FOXP2: variants seen among roughly 807,000 people sequenced by gnomAD.
FOXP2 encodes the protein forkhead box protein P2.
In FOXP2, 12 loss-of-function variants were observed where a neutral mutation model predicts 115.8. The ratio of observed to expected loss-of-function variants is 0.10; its 90% CI spans 0.07 to 0.17. The LOEUF (loss-of-function observed/expected upper bound fraction) is 0.17. Among genes scored for constraint, FOXP2 ranks in the 10% least tolerant of loss-of-function variants. The pLI is 1.00. For synonymous variants in FOXP2, 328 were observed against 297.7 expected, an observed-to-expected ratio of 1.10 and a Z score of -1.05; for missense variants, 629 against 843.5, an observed-to-expected ratio of 0.75 and a Z score of 3.15.
intron 16 of FOXP2, among the ~76,000 whole-genome samples, chr7:114,676,683 G>C (rs1289408647): frequency 6.6e-6 from 1 of 152,136 alleles, no homozygotes; most frequent in Non-Finnish European, 1.5e-5. Context: ...TTTGTAAAAA[G>C]TTGGTTATTA....
At chr7:114,119,587 T>C (rs1791504156) in intron 1 of FOXP2, among the ~76,000 whole-genome samples, 1 of 152,020 alleles carries the variant, frequency 6.6e-6, no homozygotes, top group Non-Finnish European at 1.5e-5. Context: ...AGTATGTACC[T>C]GTGGTTCCAA....
At chr7:114,434,931 T>G (rs905112697) in intron 2 of FOXP2, among the ~76,000 whole-genome samples, 2 of 152,132 alleles carry the variant, frequency 1.3e-5, no homozygotes, top group Non-Finnish European at 2.9e-5. Flanking sequence ...CTCTTAAAAT[T>G]TCACATGGCT....
In FOXP2 at chr7:114,375,643, A is replaced by G. The variant is rs896369435; in HGVS notation, c.-10-50859A>G. 7.9e-5 allele frequency among the ~76,000 whole-genome samples: 12 copies of G among 152,304 alleles called. No homozygotes were observed. The East Asian group carries it at 2.1e-3, about 27-fold the overall frequency. On this transcript the variant is annotated intron_variant, in intron 2 of 17. Transcript: ENST00000634411. ...TTCACTTTACATCATATTAACTTAG[A>G]TAAGAGATCCTAAGTCTTATGTCTA... is the stretch of plus-strand genomic sequence containing the variant.
intron 1 of FOXP2, among the ~76,000 whole-genome samples, chr7:114,204,403 A>G (rs1280587514): frequency 6.6e-6 from 1 of 152,282 alleles, no homozygotes; most frequent in Non-Finnish European, 1.5e-5. Context: ...AGTGGCTACT[A>G]TATTGGACAG....
At chr7:114,173,610 T>G (rs1793207229) in intron 1 of FOXP2, among the ~76,000 whole-genome samples, 1 of 151,966 alleles carries the variant, frequency 6.6e-6, no homozygotes, top group South Asian at 2.1e-4. Context: ...CATTTATTTT[T>G]TTTTTTGTTT....
At position 114,490,752 on chromosome 7, in the gene FOXP2, G is replaced by A. The variant is rs1010771819; in HGVS notation, c.169-43865G>A. On this transcript the variant is annotated intron_variant, in intron 2 of 16. Coordinates refer to ENST00000350908, the MANE Select transcript of FOXP2 (RefSeq NM_014491.4). ...TTCCCACCTATGAGTGAGAATATGC[G>A]GTGTTTGGTTTTTTGTCCTTGTGAT... Among the ~76,000 whole-genome samples the A allele has an allele frequency of 2.1e-4, 32 of 152,106 alleles. 1 individual carries two copies. The highest frequency in any genetic ancestry group is 3.9e-4 in the Admixed American group (6 of 15,260).
intron 1 of FOXP2, among the ~76,000 whole-genome samples, chr7:114,121,551 A>G (rs1791566958): frequency 6.6e-6 from 1 of 152,174 alleles, no homozygotes; most frequent in African/African-American, 2.4e-5. Context: ...ATGTAAACTC[A>G]CAAAAACATG....
At chr7:114,174,220 C>A (rs1793226714) in intron 1 of FOXP2, among the ~76,000 whole-genome samples, 1 of 151,918 alleles carries the variant, frequency 6.6e-6, no homozygotes, top group Admixed American at 6.6e-5. Context: ...ACTTATGTGT[C>A]TGTTGTCTTC....
At chr7:114,289,463 C>T (rs1429300490) in intron 2 of FOXP2, among the ~76,000 whole-genome samples, 1 of 151,696 alleles carries the variant, frequency 6.6e-6, no homozygotes, top group African/African-American at 2.4e-5. Flanking sequence ...GTATGTTTGC[C>T]ATAGATAATG....
chr7:114,289,165 T>G lies in FOXP2; in HGVS notation c.-11+1056T>G, dbSNP rs1328444094. ...TGTTTTTTGGTTCATTTCTTACCAG[T>G]TTTAGTATTTTACCAGATAGACATT... is the stretch of plus-strand genomic sequence containing the variant. On this transcript the variant is annotated intron_variant, in intron 2 of 17. Coordinates refer to the FOXP2 transcript ENST00000634411. Among the ~76,000 whole-genome samples the G allele has an allele frequency of 1.6e-4, 24 of 151,834 alleles. No individual in the cohort carries two copies. In the Admixed American group the frequency reaches 1.6e-3, roughly 10 times the overall value.
intron 1 of FOXP2, among the ~76,000 whole-genome samples, chr7:114,222,175 C>G (rs1396123781): frequency 6.6e-6 from 1 of 152,128 alleles, no homozygotes; most frequent in Non-Finnish European, 1.5e-5. Flanking sequence ...TTTCTTTGTT[C>G]AGACAGGATT....
intron 1 of FOXP2, among the ~76,000 whole-genome samples, chr7:114,138,916 G>A (rs913508145): frequency 3.3e-5 from 5 of 152,132 alleles, no homozygotes; most frequent in Non-Finnish European, 5.9e-5. Context: ...AAGGAAATAC[G>A]AACAAAGTGT....
chr7:114,589,294 C>A (rs903471630), intron 3 of FOXP2, among the ~76,000 whole-genome samples: 11 of 151,560 alleles, frequency 7.3e-5, no homozygotes, highest in African/African-American at 2.4e-4. Flanking sequence ...TATGGAGTAG[C>A]CTTATTAATA....
chr7:114,144,206 G>T (rs1439326421), intron 1 of FOXP2, among the ~76,000 whole-genome samples: 1 of 152,148 alleles, frequency 6.6e-6, no homozygotes, highest in African/African-American at 2.4e-5. Context: ...GATGGCTTTA[G>T]CAGGATGTAA....
intron 1 of FOXP2, among the ~76,000 whole-genome samples, chr7:114,243,631 T>A (rs574205209): frequency 1.4e-4 from 21 of 152,352 alleles, no homozygotes; most frequent in African/African-American, 5.0e-4. Context: ...TGAGATTTTT[T>A]AAGATTATGT....
chr7:114,664,849 T>C (rs1433566565), intron 16 of FOXP2: 3 of 198,860 alleles, frequency 1.5e-5, no homozygotes, highest in Non-Finnish European at 3.1e-5. Flanking sequence ...GTCAAGATAT[T>C]GCCCGTTTTT....
At chr7:114,384,111 A>C (rs1240970259) in intron 2 of FOXP2, among the ~76,000 whole-genome samples, 5 of 151,332 alleles carry the variant, frequency 3.3e-5, no homozygotes, top group Admixed American at 3.3e-4. Flanking sequence ...TTATCGGATT[A>C]GTTACGCTCG....
chr7:114,144,820 G>C (rs1439188898), intron 1 of FOXP2, among the ~76,000 whole-genome samples: 1 of 152,082 alleles, frequency 6.6e-6, no homozygotes, highest in Admixed American at 6.6e-5. Context: ...TTTATTTTGA[G>C]TACAACAGTA....
At chr7:114,119,436 T>C (rs1212786541) in intron 1 of FOXP2, among the ~76,000 whole-genome samples, 1 of 152,158 alleles carries the variant, frequency 6.6e-6, no homozygotes, top group African/African-American at 2.4e-5. Context: ...TGTAGTCTTA[T>C]TGTAGTTACA....
Sources: allele counts gnomAD v4.1 joint callset (sites outside exome capture counted in the v4.1 genomes callset), GRCh38; gene constraint gnomAD v4.1.1; transcripts MANE v1.5; gene names NCBI Gene and HGNC (gene_info 2026-07-23, HGNC 2026-07-21).